Variants in GRM1 observed in about 807,000 individuals in gnomAD.
GRM1 encodes metabotropic glutamate receptor 1.
A neutral mutation model predicts 90.9 loss-of-function variants in GRM1; 33 were observed. The observed-to-expected ratio is 0.36, with a 90% CI of 0.28 to 0.49. The LOEUF is 0.49. GRM1 is among the 20% of genes least tolerant of loss of function. The pLI is 0.99. For missense variants in GRM1, 1,190 were observed against 1,534.3 expected, an observed-to-expected ratio of 0.78 and a Z score of 3.75; for synonymous variants, 700 against 613.2, an observed-to-expected ratio of 1.14 and a Z score of -2.09.
At chr6:146,056,855 C>T (rs1170509489) in intron 1 of GRM1, among the ~76,000 whole-genome samples, 8 of 152,114 alleles carry the variant, frequency 5.3e-5, no homozygotes, top group Non-Finnish European at 1.0e-4. Flanking sequence ...GTCAACTTGT[C>T]TCTGAGTCTA....
At chr6:146,278,516 C>T (rs572593433) in intron 2 of GRM1, among the ~76,000 whole-genome samples, 1 of 152,294 alleles carries the variant, frequency 6.6e-6, no homozygotes, top group African/African-American at 2.4e-5. Context: ...TAGCTCACTC[C>T]TGTAAACCCA....
intron 3 of GRM1, among the ~76,000 whole-genome samples, chr6:146,310,587 C>G (rs1022508740): frequency 1.3e-5 from 2 of 152,150 alleles, no homozygotes; most frequent in Non-Finnish European, 2.9e-5. Flanking sequence ...CATCTCTCCT[C>G]GAGAGGTAGA....
intron 7 of GRM1, among the ~76,000 whole-genome samples, chr6:146,413,751 C>T (rs1777658366): frequency 6.6e-6 from 1 of 152,134 alleles, no homozygotes. Context: ...TAGAGACAAC[C>T]ATTATTCTGA....
intron 1 of GRM1, among the ~76,000 whole-genome samples, chr6:146,110,089 A>G (rs1451160482): frequency 6.6e-6 from 1 of 152,178 alleles, no homozygotes; most frequent in Non-Finnish European, 1.5e-5. Flanking sequence ...GTTAATGCTG[A>G]AATGAGTTAA....
At chr6:146,042,146 A>G (rs948291277) in intron 1 of GRM1, among the ~76,000 whole-genome samples, 2 of 152,042 alleles carry the variant, frequency 1.3e-5, no homozygotes, top group African/African-American at 4.8e-5. Context: ...CTATCTTTTA[A>G]TACCACCACA....
intron 1 of GRM1, among the ~76,000 whole-genome samples, chr6:146,110,328 C>T (rs1775508539): frequency 6.6e-6 from 1 of 152,120 alleles, no homozygotes; most frequent in Admixed American, 6.5e-5. Context: ...GAATGAGTCT[C>T]ATGGGATCTC....
chr6:146,291,340 A>G (rs2114885448), intron 2 of GRM1, among the ~76,000 whole-genome samples: 1 of 151,212 alleles, frequency 6.6e-6, no homozygotes, highest in Admixed American at 6.6e-5. Context: ...TGATAAATAT[A>G]TCTTTTTGAC....
chr6:146,203,217 A>C (rs1779380182), intron 2 of GRM1, among the ~76,000 whole-genome samples: 1 of 151,362 alleles, frequency 6.6e-6, no homozygotes, highest in African/African-American at 2.4e-5. Flanking sequence ...ATAAATAAAT[A>C]AATAAATAAA....
chr6:146,211,155 G>T (rs921955584), intron 2 of GRM1, among the ~76,000 whole-genome samples: 1 of 151,858 alleles, frequency 6.6e-6, no homozygotes, highest in Non-Finnish European at 1.5e-5. Context: ...GCTTAACTTG[G>T]TATAGTATTT....
At chr6:146,362,353 TAGAC>T (rs1409150747) in intron 5 of GRM1, among the ~76,000 whole-genome samples, 12 of 152,162 alleles carry the variant, frequency 7.9e-5, no homozygotes, top group Admixed American at 7.9e-4. Context: ...TTACACACTG[TAGAC>T]TTTAGAATTA....
chr6:146,120,424 T>G (rs1158542314), intron 1 of GRM1, among the ~76,000 whole-genome samples: 1 of 152,142 alleles, frequency 6.6e-6, no homozygotes, highest in Non-Finnish European at 1.5e-5. Context: ...TTGAATACCC[T>G]TTATTTCTTT....
At chr6:146,374,600 TTG>T (rs995809977) in intron 5 of GRM1, among the ~76,000 whole-genome samples, 2 of 152,132 alleles carry the variant, frequency 1.3e-5, no homozygotes, top group African/African-American at 4.8e-5. Flanking sequence ...TCTTGGTAGG[TTG>T]TGTGTATCCA....
intron 7 of GRM1, among the ~76,000 whole-genome samples, chr6:146,422,403 A>G (rs189602853): frequency 3.3e-4 from 51 of 152,336 alleles, no homozygotes; most frequent in African/African-American, 1.2e-3. Context: ...TAAGCTAAAT[A>G]CACACTGATA....
intron 3 of GRM1, among the ~76,000 whole-genome samples, chr6:146,350,392 G>A (rs962205327): frequency 6.6e-6 from 1 of 151,844 alleles, no homozygotes; most frequent in Non-Finnish European, 1.5e-5. Flanking sequence ...CTGCAACTTT[G>A]GGTGATGGTT....
At chr6:146,380,824 A>G (rs1212507103) in intron 5 of GRM1, among the ~76,000 whole-genome samples, 2 of 152,126 alleles carry the variant, frequency 1.3e-5, no homozygotes, top group Non-Finnish European at 2.9e-5. Flanking sequence ...AGGGCATTTC[A>G]GTTAGCAGGT....
chr6:146,122,824 T>C (rs1399038082), intron 1 of GRM1, among the ~76,000 whole-genome samples: 1 of 148,014 alleles, frequency 6.8e-6, no homozygotes, highest in Non-Finnish European at 1.5e-5. Flanking sequence ...TCTTTTTCTT[T>C]CTTTTCTTTT....
chr6:146,330,272 AGATACAATTATTT>A (rs1299082608), intron 3 of GRM1, among the ~76,000 whole-genome samples: 1 of 152,136 alleles, frequency 6.6e-6, no homozygotes, highest in Non-Finnish European at 1.5e-5. Flanking sequence ...TGGTTGTCTT[AGATACAATTATTT>A]GATTTAGCTT....
intron 4 of GRM1, among the ~76,000 whole-genome samples, chr6:146,355,951 C>T (rs1166500785): frequency 2.0e-5 from 3 of 152,162 alleles, no homozygotes; most frequent in Admixed American, 1.3e-4. Flanking sequence ...GGAGGACGAG[C>T]ACTTTGCATA....
At chr6:146,108,166 T>A (rs914196511) in intron 1 of GRM1, among the ~76,000 whole-genome samples, 4 of 152,310 alleles carry the variant, frequency 2.6e-5, no homozygotes, top group Non-Finnish European at 4.4e-5. Flanking sequence ...GCCTAGCTGA[T>A]AAATAGATAT....
Sources: allele counts gnomAD v4.1 joint callset (sites outside exome capture counted in the v4.1 genomes callset), GRCh38; gene constraint gnomAD v4.1.1; transcripts MANE v1.5; gene names NCBI Gene and HGNC (gene_info 2026-07-23, HGNC 2026-07-21).